Variants in NDUFAF2 observed in about 807,000 individuals in gnomAD.
The protein encoded by NDUFAF2 is NADH dehydrogenase [ubiquinone] 1 alpha subcomplex assembly factor 2.
Under a neutral mutation model 22.8 loss-of-function variants are expected in NDUFAF2, and 13 were observed. That is an observed-to-expected ratio of 0.57 (90% confidence interval 0.37 to 0.91). The LOEUF is 0.91. Ranked by LOEUF, NDUFAF2 falls within the 40% of genes least tolerant of loss-of-function variation. NDUFAF2 has a pLI of 0.01. For synonymous variants in NDUFAF2, 53 were observed against 64.2 expected, an observed-to-expected ratio of 0.83 and a Z score of 0.84; for missense variants, 162 against 195.2, an observed-to-expected ratio of 0.83 and a Z score of 1.01.
chr5:60,975,528 G>A (rs1282606511), intron 1 of NDUFAF2, among the ~76,000 whole-genome samples: 1 of 152,162 alleles, frequency 6.6e-6, no homozygotes, highest in Non-Finnish European at 1.5e-5. Flanking sequence ...GATTTGGAAG[G>A]AAAATTTGTG....
intron 1 of NDUFAF2, among the ~76,000 whole-genome samples, chr5:61,039,451 G>T (rs539477531): frequency 5.9e-5 from 9 of 152,184 alleles, no homozygotes; most frequent in Non-Finnish European, 8.8e-5. Context: ...AAAATTTAAA[G>T]AAATATTTCT....
At chr5:60,986,937 CAAAAA>C (rs200015156) in intron 1 of NDUFAF2, among the ~76,000 whole-genome samples, 2 of 73,472 alleles carry the variant, frequency 2.7e-5, no homozygotes, top group African/African-American at 4.3e-5. Flanking sequence ...TCTTTTGTCT[CAAAAA>C]AAAAAAAAAA....
chr5:61,121,801 GTTTCT>G (rs757323409), intron 3 of NDUFAF2, among the ~76,000 whole-genome samples: 6 of 149,900 alleles, frequency 4.0e-5, no homozygotes, highest in African/African-American at 9.8e-5. Context: ...CTGAAGACTG[GTTTCT>G]TTTCTTTTCT....
intron 3 of NDUFAF2, among the ~76,000 whole-genome samples, chr5:61,106,506 A>G (rs918653621): frequency 4.0e-5 from 6 of 151,368 alleles, no homozygotes; most frequent in Non-Finnish European, 7.4e-5. Context: ...TAAATGGGGT[A>G]TTTATCACCT....
chr5:60,995,893 C>G (rs1224087159), intron 1 of NDUFAF2, among the ~76,000 whole-genome samples: 1 of 152,140 alleles, frequency 6.6e-6, no homozygotes, highest in Non-Finnish European at 1.5e-5. Context: ...CAGTCCTTCC[C>G]AATGTCCCTC....
At chr5:61,134,897 A>G (rs577456318) in intron 3 of NDUFAF2, among the ~76,000 whole-genome samples, 41 of 152,222 alleles carry the variant, frequency 2.7e-4, no homozygotes, top group Admixed American at 3.3e-4. Context: ...TCTTCTTACT[A>G]TCATTCCCAA....
chr5:61,121,309 C>T (rs1752973569), intron 3 of NDUFAF2, among the ~76,000 whole-genome samples: 1 of 152,150 alleles, frequency 6.6e-6, no homozygotes, highest in Non-Finnish European at 1.5e-5. Context: ...CATTTATTTA[C>T]CAGTATTCTA....
chr5:61,142,673 C>G (rs1741075933), intron 3 of NDUFAF2, among the ~76,000 whole-genome samples: 1 of 152,206 alleles, frequency 6.6e-6, no homozygotes, highest in East Asian at 1.9e-4. Flanking sequence ...GCAGCTTCTG[C>G]TAAAGCATAA....
chr5:61,140,711 C>G (rs1741040012), intron 3 of NDUFAF2, among the ~76,000 whole-genome samples: 1 of 152,184 alleles, frequency 6.6e-6, no homozygotes, highest in Non-Finnish European at 1.5e-5. Context: ...ACCTAAATAT[C>G]CTAACACTGC....
At chr5:60,971,103 T>G (rs980459574) in intron 1 of NDUFAF2, among the ~76,000 whole-genome samples, 3 of 151,384 alleles carry the variant, frequency 2.0e-5, no homozygotes, top group Non-Finnish European at 4.4e-5. Flanking sequence ...GCTCTCTAAT[T>G]CTATTTTAAT....
chr5:61,128,744 G>A (rs1448117611), intron 3 of NDUFAF2, among the ~76,000 whole-genome samples: 3 of 152,110 alleles, frequency 2.0e-5, no homozygotes, highest in African/African-American at 7.2e-5. Context: ...CATGGGCAAG[G>A]ACCTCATGTC....
At chr5:61,147,229 A>C (rs1741152355) in intron 3 of NDUFAF2, among the ~76,000 whole-genome samples, 1 of 151,180 alleles carries the variant, frequency 6.6e-6, no homozygotes, top group Non-Finnish European at 1.5e-5. Context: ...ATTAATTGAC[A>C]TGTGAACCAG....
At position 60,945,209 on chromosome 5, in the gene NDUFAF2, C is replaced by T. The variant is rs759043794; in HGVS notation, c.-47C>T. 2 of 1,605,034 alleles carry T rather than the reference C, an allele frequency of 1.2e-6. No homozygotes were observed. The highest frequency in any genetic ancestry group is 1.7e-6 in the Non-Finnish European group (2 of 1,176,726). On this transcript the variant is annotated 5_prime_UTR_variant, in exon 1 of 4. Coordinates refer to ENST00000296597, the MANE Select transcript of NDUFAF2 (RefSeq NM_174889.5). Reference sequence around the variant, plus strand: ...TGGGTCGGCGGCTGGAGCATTACCCCTACTGCGGGTCCCGCTGCTGGCAGC... The same window carrying T: ...TGGGTCGGCGGCTGGAGCATTACCCTTACTGCGGGTCCCGCTGCTGGCAGC...
At chr5:61,033,650 C>A (rs1330928515) in intron 1 of NDUFAF2, among the ~76,000 whole-genome samples, 2 of 151,938 alleles carry the variant, frequency 1.3e-5, no homozygotes, top group East Asian at 1.9e-4. Context: ...AGCAAAAATT[C>A]ATGTTGTTTT....
intron 1 of NDUFAF2, among the ~76,000 whole-genome samples, chr5:61,059,558 C>T (rs867213990): frequency 6.6e-6 from 1 of 151,986 alleles, no homozygotes; most frequent in Non-Finnish European, 1.5e-5. Context: ...TAGTTTAAGA[C>T]CTTTTATCTT....
intron 3 of NDUFAF2, among the ~76,000 whole-genome samples, chr5:61,136,005 T>A (rs1372379445): frequency 4.0e-4 from 38 of 95,982 alleles, no homozygotes; most frequent in African/African-American, 9.3e-4. Context: ...AAGCCTGTCT[T>A]TATATATATA....
intron 3 of NDUFAF2, among the ~76,000 whole-genome samples, chr5:61,129,444 A>G (rs1163396689): frequency 1.3e-5 from 2 of 152,170 alleles, no homozygotes; most frequent in Non-Finnish European, 1.5e-5. Context: ...CATATACACC[A>G]TGGAATACTA....
chr5:61,152,971 A>G lies in NDUFAF2; in HGVS notation c.*16A>G. ...CAATCAATGAATGCATTATGGTCAA[A>G]TCTTTTCATGTATATGGATGTGACT... is the stretch of plus-strand genomic sequence containing the variant. On this transcript the variant is annotated 3_prime_UTR_variant, in exon 4 of 4. Transcript: ENST00000296597. 6.2e-7 allele frequency: 1 copy of G among 1,613,380 alleles called. No homozygotes were observed. The highest frequency in any genetic ancestry group is 8.5e-7 in the Non-Finnish European group (1 of 1,179,484).
chr5:61,071,299 G>A (rs1339503823), intron 1 of NDUFAF2, among the ~76,000 whole-genome samples: 1 of 152,136 alleles, frequency 6.6e-6, no homozygotes, highest in Non-Finnish European at 1.5e-5. Context: ...TCTGCGTTAG[G>A]ATTAAATCAG....
Sources: allele counts gnomAD v4.1 joint callset (sites outside exome capture counted in the v4.1 genomes callset), GRCh38; gene constraint gnomAD v4.1.1; transcripts MANE v1.5; gene names NCBI Gene and HGNC (gene_info 2026-07-23, HGNC 2026-07-21).